The following TRPM7 variants were observed in gnomAD, a reference collection of about 807,000 sequenced individuals.
The protein encoded by TRPM7 is LTRPC ion channel family member 7.
TRPM7 carries 134 observed loss-of-function variants against 229.7 expected under a neutral mutation model. The ratio of observed to expected loss-of-function variants is 0.58; its 90% CI spans 0.51 to 0.67. The LOEUF (loss-of-function observed/expected upper bound fraction) is 0.67. Ranked by LOEUF, TRPM7 falls within the 30% of genes least tolerant of loss-of-function variation. The pLI is 0.00. For missense variants in TRPM7, 1,901 were observed against 2,210.0 expected (o/e 0.86, Z 2.80); for synonymous variants, 699 against 715.2 (o/e 0.98, Z 0.36).
chr15:50,591,895 A>G lies in TRPM7; in HGVS notation c.4324+16T>C, dbSNP rs2059506026. The G allele has an allele frequency of 1.3e-6, 2 of 1,517,338 alleles. No homozygotes were observed. The highest frequency in any genetic ancestry group is 2.2e-5 in the Admixed American group (1 of 45,142). The allele number at this position is 1,517,338 out of a possible 1,614,324, so 94.0% of individuals were successfully genotyped here. On this transcript the variant is annotated intron_variant, in intron 26 of 38. Coordinates refer to ENST00000646667, the MANE Select transcript of TRPM7 (RefSeq NM_017672.6). ...TAAATAATATTGATATACAAATACG[A>G]ATTTGCCAAACTTACCTACAAATGC...
intron 28 of TRPM7, among the ~76,000 whole-genome samples, chr15:50,584,467 A>G (rs2054587997): frequency 6.6e-6 from 1 of 152,132 alleles, no homozygotes; most frequent in Admixed American, 6.5e-5. Flanking sequence ...AGAGTGAGAA[A>G]AGAGAGTTCA....
intron 4 of TRPM7, among the ~76,000 whole-genome samples, chr15:50,647,274 G>GCT (rs952419348): frequency 1.3e-5 from 2 of 152,088 alleles, no homozygotes; most frequent in Non-Finnish European, 2.9e-5. Flanking sequence ...GGGACTACAG[G>GCT]CTCGTGCCAC....
At chr15:50,573,201 C>T (rs2053972044) in intron 36 of TRPM7, among the ~76,000 whole-genome samples, 1 of 152,186 alleles carries the variant, frequency 6.6e-6, no homozygotes, top group South Asian at 2.1e-4. Flanking sequence ...TTCGCCTCCC[C>T]TTGAATGTGG....
chr15:50,593,540 A>G, intron 25 of TRPM7, 77 bp downstream of exon 25: 1 of 1,434,360 alleles, frequency 7.0e-7, no homozygotes, highest in East Asian at 2.3e-5. Flanking sequence ...TAAATTTAAC[A>G]ATGACCATGT....
At chr15:50,618,673 C>A (rs2140526477) in intron 13 of TRPM7, among the ~76,000 whole-genome samples, 1 of 152,188 alleles carries the variant, frequency 6.6e-6, no homozygotes, top group African/African-American at 2.4e-5. Context: ...TTCTTACACG[C>A]ATATGTTATG....
rs778398482 is a variant in TRPM7, at chr15:50,643,501, A to G, written c.374T>C (p.Leu125Pro). The change falls in exon 5 of 39, where the codon CTT becomes CCT. Residue 125 changes from leucine (L) to proline (P), a missense_variant. Coordinates refer to ENST00000646667, the MANE Select transcript of TRPM7 (RefSeq NM_017672.6). ...GGGTAACTCCATTTGCCATTCTTTA[A>G]GCAGAAGTTGCAGAATGACTTCAGG... Reference protein sequence around the residue: ...TKPEVILQLLLKEWQMELPKL... With the variant: ...TKPEVILQLLPKEWQMELPKL... The G allele has an allele frequency of 6.2e-7, 1 of 1,614,184 alleles. No homozygotes were observed. The highest frequency in any genetic ancestry group is 8.5e-7 in the Non-Finnish European group (1 of 1,180,026).
chr15:50,588,886 T>G lies in TRPM7; in HGVS notation c.4389+706A>C, dbSNP rs547787190. On this transcript the variant is annotated intron_variant, in intron 27 of 38. Coordinates refer to ENST00000646667, the MANE Select transcript of TRPM7 (RefSeq NM_017672.6). Reference sequence around the variant, plus strand: ...CATTTATCAAATTATCTTGCACTTGTACATAATATACAGCTTCTCACTGCT... The same window carrying G: ...CATTTATCAAATTATCTTGCACTTGGACATAATATACAGCTTCTCACTGCT... Among the ~76,000 whole-genome samples the G allele has an allele frequency of 1.1e-4, 17 of 152,342 alleles. No individual in the cohort carries two copies. The East Asian group carries it at 3.1e-3, about 28-fold the overall frequency.
intron 27 of TRPM7, 23 bp from the exon 28 acceptor site, chr15:50,586,511 T>G: frequency 6.6e-7 from 1 of 1,505,830 alleles, no homozygotes; most frequent in Non-Finnish European, 9.2e-7. Flanking sequence ...TGCAGACATA[T>G]AATTTGAAAA....
At chr15:50,617,947 C>T (rs1031319186) in intron 13 of TRPM7, among the ~76,000 whole-genome samples, 1 of 152,148 alleles carries the variant, frequency 6.6e-6, no homozygotes, top group African/African-American at 2.4e-5. Flanking sequence ...GTATGAGCCA[C>T]CAGCCCTGGC....
intron 21 of TRPM7, among the ~76,000 whole-genome samples, chr15:50,599,911 G>A (rs894862466): frequency 3.9e-5 from 6 of 152,160 alleles, no homozygotes; most frequent in Non-Finnish European, 8.8e-5. Context: ...CATGTAGTTT[G>A]TAATTCTTTA....
rs536947290 is a variant in TRPM7, at chr15:50,607,120, G to A, written c.2709+80C>T. On this transcript the variant is annotated intron_variant, in intron 20 of 38. Coordinates refer to ENST00000646667, the MANE Select transcript of TRPM7 (RefSeq NM_017672.6). The stretch of plus-strand genomic sequence containing the variant: ...ATCATACACACACACACCCCCCTAC[G>A]TATACACCCAAAACAAAACAAAACA... The A allele has an allele frequency of 2.2e-5, 29 of 1,321,856 alleles. No homozygotes were observed. The Middle Eastern group carries it at 1.7e-3, about 78-fold the overall frequency. 81.9% of individuals were successfully genotyped at this position (1,321,856 alleles called of 1,614,324 possible). A position where few individuals can be genotyped will look rare whatever the true frequency, so the allele number is the denominator to read the frequency against.
intron 36 of TRPM7, 90 bp downstream of exon 36, chr15:50,574,184 T>G: frequency 9.6e-7 from 1 of 1,037,352 alleles, no homozygotes; most frequent in Non-Finnish European, 1.4e-6. Flanking sequence ...AAGATTTTAT[T>G]TATCTATAAA....
chr15:50,686,434 T>A, intron 1 of TRPM7, 97 bp downstream of exon 1: 1 of 1,601,118 alleles, frequency 6.2e-7, no homozygotes, highest in African/African-American at 1.3e-5. Flanking sequence ...CTTCGCCGCA[T>A]GGAACGCGGC....
intron 1 of TRPM7, 138 bp from the exon 2 acceptor site, chr15:50,663,184 A>G (rs1225149316): frequency 3.1e-6 from 2 of 644,490 alleles, no homozygotes; most frequent in Non-Finnish European, 5.2e-6. Flanking sequence ...ACTGGAGAGC[A>G]ATGGTGTGAT....
chr15:50,569,357 T>C (rs978553755), intron 38 of TRPM7, among the ~76,000 whole-genome samples: 4 of 152,196 alleles, frequency 2.6e-5, no homozygotes, highest in Admixed American at 6.5e-5. Context: ...ACAGTTCCTG[T>C]TCCTGCTTGA....
intron 5 of TRPM7, among the ~76,000 whole-genome samples, chr15:50,640,777 G>A (rs558852615): frequency 6.6e-6 from 1 of 152,162 alleles, no homozygotes; most frequent in East Asian, 1.9e-4. Flanking sequence ...TCTAACTGGT[G>A]CTCTTATAAA....
intron 7 of TRPM7, among the ~76,000 whole-genome samples, chr15:50,636,164 T>C (rs2060900223): frequency 6.6e-6 from 1 of 151,340 alleles, no homozygotes; most frequent in South Asian, 2.1e-4. Flanking sequence ...AAAAGGTATC[T>C]GTAGGACTAT....
At chr15:50,682,646 T>C (rs2062268749) in intron 1 of TRPM7, among the ~76,000 whole-genome samples, 1 of 151,680 alleles carries the variant, frequency 6.6e-6, no homozygotes, top group Admixed American at 6.6e-5. Flanking sequence ...GTCAACAAAA[T>C]CTCTAAAAGA....
chr15:50,564,049 C>T (rs958261193), intron 38 of TRPM7, among the ~76,000 whole-genome samples: 2 of 151,816 alleles, frequency 1.3e-5, no homozygotes, highest in Non-Finnish European at 2.9e-5. Context: ...TTAGTAGAGA[C>T]TGGTTTTTGC....
Sources: gnomAD v4.1 joint callset for allele counts (sites outside exome capture counted in the v4.1 genomes callset) on GRCh38, gnomAD v4.1.1 for gene constraint, MANE v1.5 for transcripts, NCBI Gene and HGNC (gene_info 2026-07-23, HGNC 2026-07-21) for gene names.